The following UBXN7 variants were observed in gnomAD, a reference collection of about 807,000 sequenced individuals.
UBXN7 encodes the protein UBX domain-containing protein 7.
UBXN7 carries 9 observed loss-of-function variants against 58.0 expected under a neutral mutation model. The ratio of observed to expected loss-of-function variants is 0.16; its 90% confidence interval spans 0.09 to 0.27. UBXN7 has a LOEUF of 0.27. Ranked by LOEUF, UBXN7 falls within the 10% of genes least tolerant of loss-of-function variation. UBXN7 has a pLI of 1.00. For synonymous variants in UBXN7, 208 were observed against 205.0 expected, an observed-to-expected ratio of 1.01 and a Z score of -0.12; for missense variants, 328 against 599.6, an observed-to-expected ratio of 0.55 and a Z score of 4.73.
chr3:196,415,199 C>G (rs1262264343), intron 1 of UBXN7, among the ~76,000 whole-genome samples: 2 of 145,170 alleles, frequency 1.4e-5, no homozygotes, highest in Admixed American at 1.4e-4. Flanking sequence ...TGTTGCCAGG[C>G]TGAAAAGCAG....
intron 1 of UBXN7, among the ~76,000 whole-genome samples, chr3:196,417,893 C>G (rs1429912610): frequency 6.6e-6 from 1 of 150,794 alleles, no homozygotes; most frequent in African/African-American, 2.4e-5. Context: ...ACCACTCCAA[C>G]CTGGGTGACA....
intron 1 of UBXN7, among the ~76,000 whole-genome samples, chr3:196,409,395 T>C (rs1480580415): frequency 6.6e-6 from 1 of 152,118 alleles, no homozygotes; most frequent in Non-Finnish European, 1.5e-5. Flanking sequence ...TAGGTCACTG[T>C]TTCTTGTTTC....
intron 5 of UBXN7, among the ~76,000 whole-genome samples, chr3:196,390,744 A>G (rs1228735496): frequency 6.6e-6 from 1 of 152,090 alleles, no homozygotes; most frequent in East Asian, 1.9e-4. Flanking sequence ...AAAAAAAAAA[A>G]AAGACTCAAC....
chr3:196,425,056 T>C (rs1560246179), intron 1 of UBXN7, among the ~76,000 whole-genome samples: 1 of 152,182 alleles, frequency 6.6e-6, no homozygotes, highest in Non-Finnish European at 1.5e-5. Context: ...CTCTTCTTTC[T>C]AGACCCAAAT....
intron 5 of UBXN7, among the ~76,000 whole-genome samples, chr3:196,378,369 G>C (rs1200769213): frequency 2.0e-5 from 3 of 152,170 alleles, no homozygotes; most frequent in South Asian, 2.1e-4. Flanking sequence ...ACAACTTCTA[G>C]GTTGTTCCCT....
At chr3:196,431,729 C>A (rs1178208870) in intron 1 of UBXN7, 1 of 448,872 alleles carries the variant, frequency 2.2e-6, no homozygotes, top group South Asian at 1.6e-5. Flanking sequence ...TCCTCAGCAC[C>A]CCCCGCTTCT....
At chr3:196,406,725 T>C (rs1730174009) in intron 2 of UBXN7, among the ~76,000 whole-genome samples, 2 of 152,172 alleles carry the variant, frequency 1.3e-5, no homozygotes, top group Admixed American at 6.5e-5. Context: ...ATTACAGGCA[T>C]GAGCCACCGC....
chr3:196,423,448 G>C (rs996768492), intron 1 of UBXN7: 2 of 270,652 alleles, frequency 7.4e-6, no homozygotes, highest in Non-Finnish European at 7.6e-6. Flanking sequence ...CCTGGCCACT[G>C]TGCCTCTTTT....
intron 5 of UBXN7, among the ~76,000 whole-genome samples, chr3:196,377,371 G>A (rs957806671): frequency 6.6e-6 from 1 of 152,044 alleles, no homozygotes; most frequent in Non-Finnish European, 1.5e-5. Flanking sequence ...CCTCCCCATC[G>A]TTCGCATTCC....
intron 1 of UBXN7, among the ~76,000 whole-genome samples, chr3:196,410,901 T>C (rs1323309838): frequency 1.3e-5 from 2 of 152,202 alleles, no homozygotes; most frequent in Non-Finnish European, 2.9e-5. Context: ...GGAAAGCCCT[T>C]TGTGATCAGG....
intron 8 of UBXN7, 29 bp downstream of exon 8, chr3:196,367,999 T>C: frequency 6.2e-7 from 1 of 1,602,584 alleles, no homozygotes; most frequent in African/African-American, 1.3e-5. Flanking sequence ...ACATTTATTT[T>C]CCCATCACCA....
intron 3 of UBXN7, among the ~76,000 whole-genome samples, chr3:196,398,460 G>A (rs1447311808): frequency 6.6e-6 from 1 of 152,074 alleles, no homozygotes; most frequent in South Asian, 2.1e-4. Context: ...CTTGTTTACT[G>A]AGTAATGCAA....
Position 196,402,961 on chromosome 3 carries a change from A to C in UBXN7, c.280T>G (p.Leu94Val). The C allele has an allele frequency of 6.3e-7, 1 of 1,596,652 alleles. No individual in the cohort carries two copies. The highest frequency in any genetic ancestry group is 8.5e-7 in the Non-Finnish European group (1 of 1,176,402). ...KQEILVEPEPLFGAPKRRRPA... is the reference protein window; with the variant it reads ...KQEILVEPEPVFGAPKRRRPA... ...AAAAAAGTGAACTTACCACCAAATA[A>C]TGGTTCTGGTTCCACCAGTATTTCC... Residue 94 changes from leucine (L) to valine (V), a missense_variant, in exon 3 of 11, where the codon TTA becomes GTA. Leu to Val is a conservative substitution (Grantham distance 32). Around this residue, in one of 4 missense-constraint regions of UBXN7, gnomAD observed 106 missense variants for 124.3 expected, o/e 0.85. Transcript: ENST00000296328.
At chr3:196,399,012 T>C (rs1279305831) in intron 3 of UBXN7, among the ~76,000 whole-genome samples, 2 of 152,150 alleles carry the variant, frequency 1.3e-5, no homozygotes, top group Non-Finnish European at 2.9e-5. Context: ...CAAGCTCACA[T>C]TTTCAAGAAA....
intron 1 of UBXN7, among the ~76,000 whole-genome samples, chr3:196,429,022 A>AAG (rs1378631785): frequency 2.6e-5 from 4 of 151,018 alleles, no homozygotes; most frequent in Non-Finnish European, 4.4e-5. Context: ...AAAAAAAAAA[A>AAG]AAAAAATCAA....
chr3:196,430,186 C>T (rs937601809), intron 1 of UBXN7, among the ~76,000 whole-genome samples: 4 of 151,886 alleles, frequency 2.6e-5, no homozygotes, highest in African/African-American at 9.7e-5. Flanking sequence ...GAAACCCCGC[C>T]TCTACTAAAA....
chr3:196,411,715 A>G lies in UBXN7; in HGVS notation c.74-4322T>C, dbSNP rs191769710. Among the ~76,000 whole-genome samples the G allele has an allele frequency of 1.3e-4, 20 of 152,062 alleles. No individual in the cohort carries two copies. The East Asian group carries it at 3.5e-3, about 27-fold the overall frequency. On this transcript the variant is annotated intron_variant, in intron 1 of 10. Coordinates refer to ENST00000296328, the MANE Select transcript of UBXN7 (RefSeq NM_015562.2). The stretch of plus-strand genomic sequence containing the variant: ...AATCCCAGCTACTCGGGAGGCTGAG[A>G]CAGGAGAATCGCTTAACCTGGGAGG...
chr3:196,382,875 G>A (rs1207029451), intron 5 of UBXN7, among the ~76,000 whole-genome samples: 1 of 152,162 alleles, frequency 6.6e-6, no homozygotes, highest in Non-Finnish European at 1.5e-5. Flanking sequence ...CAGCACTTTG[G>A]GAGGCCAAGG....
chr3:196,382,573 G>A (rs1729239727), intron 5 of UBXN7, among the ~76,000 whole-genome samples: 1 of 152,172 alleles, frequency 6.6e-6, no homozygotes, highest in South Asian at 2.1e-4. Context: ...GGAAGAAACT[G>A]CATCAACTAA....
Sources: gnomAD v4.1 joint callset for allele counts (sites outside exome capture counted in the v4.1 genomes callset) on GRCh38, gnomAD v4.1.1 for gene constraint, gnomAD v4.1.1 regional missense constraint, MANE v1.5 for transcripts, NCBI Gene and HGNC (gene_info 2026-07-23, HGNC 2026-07-21) for gene names.